Variants in SH2B1 observed in about 807,000 individuals in gnomAD.
The protein encoded by SH2B1 is SH2B adaptor protein 1, also known as SH2B adapter protein 1.
A neutral mutation model predicts 62.6 loss-of-function variants in SH2B1; 15 were observed. The ratio of observed to expected loss-of-function variants is 0.24; its 90% CI spans 0.16 to 0.37. SH2B1 has a LOEUF of 0.37. Ranked by LOEUF, SH2B1 falls within the 10% of genes least tolerant of loss-of-function variation. SH2B1 has a pLI of 1.00. For missense variants in SH2B1, 925 were observed against 1,015.6 expected, an observed-to-expected ratio of 0.91 and a Z score of 1.21; for synonymous variants, 443 against 438.0, an observed-to-expected ratio of 1.01 and a Z score of -0.14.
chr16:28,873,767 G>T lies in SH2B1; in HGVS notation c.2218G>T (p.Gly740Ter). 1 of 1,472,472 alleles carries T rather than the reference G, an allele frequency of 6.8e-7. No individual in the cohort carries two copies. 91.2% of individuals were successfully genotyped at this position (1,472,472 alleles called of 1,614,324 possible). ...GCAGCAGTCACCACTAGGGGGTGAT[G>T]GAGAGGAAGGGGGCCACCCCAGGGC... ...QLQQSPLGGD[G>*]EEGGHPRAIN... The change falls in exon 8 of 8, where the codon GGA (glycine) becomes TGA (stop). Residue 740 changes from glycine (G) to a stop codon, truncating the protein, a stop_gained. Coordinates refer to ENST00000684370, the MANE Select transcript of SH2B1 (RefSeq NM_001387430.1). LOFTEE classifies it high-confidence loss of function. This position sits in a 1 kb window ranked among gnomAD's most constrained non-coding sequence, Gnocchi z 4.2.
intron 1 of SH2B1, among the ~76,000 whole-genome samples, chr16:28,852,533 C>T (rs187906735): frequency 0.013 from 173 of 13,202 alleles, 66 homozygotes; most frequent in South Asian, 0.094. Context: ...TATATATACA[C>T]ATATATTTAT....
chr16:28,866,719 G>A lies in SH2B1; in HGVS notation c.625G>A (p.Val209Ile), dbSNP rs1451568919. Reference sequence around the variant, plus strand: ...CAACTCCTCTGGCGGGGCTGGGACCGTTGGTAGGGGACTGGTCAGTGATGG... The same window carrying A: ...CAACTCCTCTGGCGGGGCTGGGACCATTGGTAGGGGACTGGTCAGTGATGG... ...NSNSSGGAGT[V>I]GRGLVSDGTS... is the part of the protein sequence containing the mutation. The change falls in exon 1 of 8, where the codon GTT becomes ATT. Residue 209 changes from valine to isoleucine, a missense_variant. Val to Ile is a conservative substitution (Grantham distance 29). Around this residue, in one of 3 missense-constraint regions of SH2B1, gnomAD observed 683 missense variants for 704.0 expected, o/e 0.97. Coordinates refer to ENST00000684370, the MANE Select transcript of SH2B1 (RefSeq NM_001387430.1). The surrounding 1 kb of genome is among the most constrained non-coding windows in gnomAD (Gnocchi z 6.3). 61 of 1,586,272 alleles carry A rather than the reference G, an allele frequency of 3.8e-5. No individual in the cohort carries two copies. In the East Asian group the frequency reaches 7.6e-4, roughly 20 times the overall value.
Position 28,866,104 on chromosome 16 carries a change from GC to G in SH2B1, c.14del (p.Pro5LeufsTer91). On this transcript the variant is annotated frameshift_variant, in exon 1 of 8. Transcript: ENST00000684370. LOFTEE classifies it high-confidence loss of function. The surrounding 1 kb of genome is among the most constrained non-coding windows in gnomAD (Gnocchi z 6.3). ...CCTCCTGGGGCCCATCATGAATGGT[GC>G]CCCTTCCCCAGAGGACGGGGCCTCC... MNG[A>X]PSPEDGASPS... The G allele has an allele frequency of 6.4e-7, 1 of 1,568,692 alleles. No homozygotes were observed.
chr16:28,871,691 G>C lies in SH2B1; in HGVS notation c.1310-89G>C, dbSNP rs572272353. 3.8e-6 allele frequency: 4 copies of C among 1,066,572 alleles called. No individual in the cohort carries two copies. In the South Asian group the frequency reaches 3.8e-5, roughly 10 times the overall value. 66.1% of individuals were successfully genotyped at this position (1,066,572 alleles called of 1,614,324 possible). On this transcript the variant is annotated intron_variant, in intron 4 of 7. Transcript: ENST00000684370. ...GCATCTTGGCCAGCGACTGCACACAGGGTAGACTGCTGGTGAGGAGATGGG... is the reference window on the plus strand; with the variant it reads ...GCATCTTGGCCAGCGACTGCACACACGGTAGACTGCTGGTGAGGAGATGGG...
At position 28,852,418 on chromosome 16, in the gene SH2B1, A is replaced by T. The variant is rs1166727686; in HGVS notation, c.-301+5591A>T. On this transcript the variant is annotated intron_variant, in intron 1 of 10. Transcript: ENST00000322610. The stretch of plus-strand genomic sequence containing the variant: ...TACATATATATTTACATATATATTT[A>T]TATATTTACATATATATTTATATAT... Among the ~76,000 whole-genome samples the T allele has an allele frequency of 3.1e-4, 31 of 100,464 alleles. 2 individuals are homozygous for T. The highest frequency in any genetic ancestry group is 1.5e-3 in the African/African-American group (29 of 19,162). The allele number at this position is 100,464 out of a possible 152,430, so 65.9% of individuals were successfully genotyped here.
chr16:28,865,791 A>G lies in SH2B1; in HGVS notation c.-304A>G, dbSNP rs1269028382. On this transcript the variant is annotated 5_prime_UTR_variant, in exon 1 of 8. Coordinates refer to ENST00000684370, the MANE Select transcript of SH2B1 (RefSeq NM_001387430.1). ...TCCAAAGCTAAGGAAAGTGGGGGCA[A>G]ATGTGGCAGGCTCGGGGCAGGTTAG... 1 of 1,161,422 alleles carries G rather than the reference A, an allele frequency of 8.6e-7. No homozygotes were observed. Among genetic ancestry groups the G allele is most frequent in the African/African-American group, 1.6e-5 (1 of 62,356 alleles). The allele number at this position is 1,161,422 out of a possible 1,614,324, so 71.9% of individuals were successfully genotyped here.
chr16:28,850,731 T>C (rs1031569043), intron 1 of SH2B1, among the ~76,000 whole-genome samples: 5 of 151,230 alleles, frequency 3.3e-5, no homozygotes, highest in African/African-American at 1.2e-4. Flanking sequence ...TGGTGGCACG[T>C]GCCTGTAGTC....
intron 4 of SH2B1, among the ~76,000 whole-genome samples, chr16:28,870,940 G>A (rs964988440): frequency 1.6e-4 from 24 of 151,670 alleles, no homozygotes; most frequent in African/African-American, 5.6e-4. Flanking sequence ...TCACACCTCA[G>A]CCTCCCAAAA....
Position 28,873,097 on chromosome 16 carries a change from CAT to C in SH2B1, c.1898-349_1898-348del. ...CCCCTTCCCTCCTCCCTCAATGTCT[CAT>C]GTCCCTGTCTGATCTCTCCCTTTCC... On this transcript the variant is annotated intron_variant, in intron 7 of 7. Coordinates refer to ENST00000684370, the MANE Select transcript of SH2B1 (RefSeq NM_001387430.1). The surrounding 1 kb of genome is among the most constrained non-coding windows in gnomAD (Gnocchi z 4.2). 1 of 989,736 alleles carries C rather than the reference CAT, an allele frequency of 1.0e-6. No homozygotes were observed. The highest frequency in any genetic ancestry group is 1.5e-6 in the Non-Finnish European group (1 of 679,190). The allele number at this position is 989,736 out of a possible 1,614,324, so 61.3% of individuals were successfully genotyped here.
rs1963124028 is a variant in SH2B1 at position 28,872,927 on chromosome 16, G to A, written c.1897+222G>A. 2 of 677,202 alleles carry A rather than the reference G, an allele frequency of 3.0e-6. No homozygotes were observed. Among genetic ancestry groups the A allele is most frequent in the Non-Finnish European group, 5.0e-6 (2 of 397,648 alleles). 41.9% of individuals were successfully genotyped at this position (677,202 alleles called of 1,614,324 possible). On this transcript the variant is annotated intron_variant, in intron 7 of 7. Transcript: ENST00000684370. The surrounding 1 kb of genome is among the most constrained non-coding windows in gnomAD (Gnocchi z 5.3). ...GCTCCTGGCCGGAGCCGGGGCGGCA[G>A]CTGAGAGGTGGGCGGGCGCATCCCC...
intron 1 of SH2B1, among the ~76,000 whole-genome samples, chr16:28,856,777 C>T (rs2152162395): frequency 6.6e-6 from 1 of 152,276 alleles, no homozygotes; most frequent in East Asian, 1.9e-4. Context: ...TGGCACCAAC[C>T]CCATTACATC....
Position 28,872,541 on chromosome 16 carries a change from G to T in SH2B1, c.1733G>T (p.Arg578Leu). ...CCCCCATCCCGCCCTCAGCACCTGCGTTTGTCGCTGAACGAGGAGGGTCAG... is the reference window on the plus strand; with the variant it reads ...CCCCCATCCCGCCCTCAGCACCTGCTTTTGTCGCTGAACGAGGAGGGTCAG... ...FNFQGKAKHL[R>L]LSLNEEGQCR... Residue 578 changes from arginine to leucine, a missense_variant, in exon 7 of 8, where the codon CGT (arginine) becomes CTT (leucine). Arg to Leu is a moderately radical substitution (Grantham distance 102). Around this residue, in one of 3 missense-constraint regions of SH2B1, gnomAD observed 57 missense variants for 122.1 expected, o/e 0.47. Coordinates refer to ENST00000684370, the MANE Select transcript of SH2B1 (RefSeq NM_001387430.1). The surrounding 1 kb of genome is among the most constrained non-coding windows in gnomAD (Gnocchi z 5.3). The T allele has an allele frequency of 6.2e-7, 1 of 1,610,416 alleles. No homozygotes were observed. Among genetic ancestry groups the T allele is most frequent in the Non-Finnish European group, 8.5e-7 (1 of 1,176,958 alleles).
chr16:28,868,955 A>T, intron 2 of SH2B1, 51 bp from the exon 3 acceptor site: 1 of 1,371,864 alleles, frequency 7.3e-7, no homozygotes, highest in African/African-American at 1.4e-5. Context: ...GGCATGGATT[A>T]AGCCTCCTCC....
chr16:28,851,151 C>T (rs1440369933), intron 1 of SH2B1, among the ~76,000 whole-genome samples: 3 of 145,666 alleles, frequency 2.1e-5, no homozygotes, highest in African/African-American at 2.5e-5. Context: ...TCCAGCCTGC[C>T]GACAGAGCAA....
At position 28,872,801 on chromosome 16, in the gene SH2B1, C is replaced by A; in HGVS notation, c.1897+96C>A. Reference sequence around the variant, plus strand: ...ATGGGGCGGGGAGGGGGGACTATCACAAGGAGAAGCTTTGCTTGGGAGAGC... The same window carrying A: ...ATGGGGCGGGGAGGGGGGACTATCAAAAGGAGAAGCTTTGCTTGGGAGAGC... On this transcript the variant is annotated intron_variant, in intron 7 of 7. Coordinates refer to ENST00000684370, the MANE Select transcript of SH2B1 (RefSeq NM_001387430.1). The surrounding 1 kb of genome is among the most constrained non-coding windows in gnomAD (Gnocchi z 5.3). 1.3e-6 allele frequency: 2 copies of A among 1,487,864 alleles called. No individual in the cohort carries two copies. The highest frequency in any genetic ancestry group is 1.9e-5 in the Admixed American group (1 of 52,178). The allele number at this position is 1,487,864 out of a possible 1,614,324, so 92.2% of individuals were successfully genotyped here.
Position 28,852,491 on chromosome 16 carries a change from TAC to T in SH2B1, c.-301+5666_-301+5667del, listed in dbSNP as rs371668373. 5.4e-4 allele frequency among the ~76,000 whole-genome samples: 12 copies of T among 22,264 alleles called. 2 individuals carry two copies. Among genetic ancestry groups the T allele is most frequent in the African/African-American group, 1.4e-3 (5 of 3,562 alleles). The allele number at this position is 22,264 out of a possible 152,430, so 14.6% of individuals were successfully genotyped here. A position where few individuals can be genotyped will look rare whatever the true frequency, so the allele number is the denominator to read the frequency against. ...ATATACATATATATTTATATATACA[TAC>T]ATATATTTATATATATACACATATA... On this transcript the variant is annotated intron_variant, in intron 1 of 10. Transcript: ENST00000322610.
chr16:28,850,479 T>G (rs1962069596), intron 1 of SH2B1, among the ~76,000 whole-genome samples: 1 of 152,122 alleles, frequency 6.6e-6, no homozygotes, highest in Non-Finnish European at 1.5e-5. Context: ...GACAGGAAGA[T>G]CACTTGAACC....
upstream of SH2B1, chr16:28,863,726 G>C: frequency 6.5e-7 from 1 of 1,535,722 alleles, no homozygotes. Flanking sequence ...GGTCTCCTGG[G>C]GTCGGCGCCG....
At chr16:28,851,523 A>C (rs1323801028) in intron 1 of SH2B1, among the ~76,000 whole-genome samples, 4 of 149,452 alleles carry the variant, frequency 2.7e-5, no homozygotes, top group Admixed American at 6.7e-5. Context: ...GCAATGGCAC[A>C]ATCTTGGCTT....
Sources: gnomAD v4.1 joint callset for allele counts (sites outside exome capture counted in the v4.1 genomes callset) on GRCh38, gnomAD v4.1.1 for gene constraint, gnomAD v4.1.1 regional missense constraint, Gnocchi (gnomAD v3.1) non-coding constraint, MANE v1.5 for transcripts, NCBI Gene and HGNC (gene_info 2026-07-23, HGNC 2026-07-21) for gene names.